Variants in PDE4D observed in about 807,000 individuals in gnomAD.
PDE4D encodes the protein 3',5'-cyclic-AMP phosphodiesterase 4D.
A neutral mutation model predicts 87.4 loss-of-function variants in PDE4D; 24 were observed. The observed-to-expected ratio is 0.27, with a 90% CI of 0.20 to 0.39. PDE4D has a LOEUF of 0.39. Among genes scored for constraint, PDE4D ranks in the 10% least tolerant of loss-of-function variants. The pLI is 1.00. For synonymous variants in PDE4D, 384 were observed against 383.2 expected (o/e 1.00, Z -0.02); for missense variants, 714 against 1,041.0 (o/e 0.69, Z 4.32).
intron 5 of PDE4D, among the ~76,000 whole-genome samples, chr5:59,053,020 C>T (rs1237184974): frequency 1.3e-5 from 2 of 151,970 alleles, no homozygotes; most frequent in Non-Finnish European, 2.9e-5. Context: ...AGTGGTATCA[C>T]TACTACTAGA....
chr5:60,163,947 C>T (rs1395615197), intron 2 of PDE4D, among the ~76,000 whole-genome samples: 4 of 152,172 alleles, frequency 2.6e-5, no homozygotes, highest in Non-Finnish European at 2.9e-5. Context: ...GAGAGGAGAG[C>T]ATTCTAGCAG....
chr5:59,324,605 A>G (rs900337082), intron 1 of PDE4D, among the ~76,000 whole-genome samples: 2 of 152,140 alleles, frequency 1.3e-5, no homozygotes, highest in African/African-American at 4.8e-5. Flanking sequence ...AGTTATCTGC[A>G]TGTAATAGGT....
intron 1 of PDE4D, among the ~76,000 whole-genome samples, chr5:59,521,244 G>A (rs79264297): frequency 0.017 from 2,619 of 152,214 alleles, 80 homozygotes; most frequent in East Asian, 0.13. Flanking sequence ...GAAGAAAGGT[G>A]GCTGGAGGAG....
intron 3 of PDE4D, among the ~76,000 whole-genome samples, chr5:59,963,450 G>T (rs1422194910): frequency 6.6e-6 from 1 of 152,034 alleles, no homozygotes; most frequent in Non-Finnish European, 1.5e-5. Flanking sequence ...ACACTCCCTG[G>T]TCTGCTCTCC....
intron 1 of PDE4D, chr5:59,587,600 G>T (rs1271438997): frequency 1.0e-6 from 1 of 985,272 alleles, no homozygotes. Flanking sequence ...ACACTTGCAG[G>T]CTCCGTGGTA....
chr5:59,676,834 T>C (rs1164962514), intron 1 of PDE4D, among the ~76,000 whole-genome samples: 2 of 152,124 alleles, frequency 1.3e-5, no homozygotes, highest in African/African-American at 4.8e-5. Context: ...TTGTTAACTA[T>C]AGTCATACTA....
chr5:59,324,091 C>T (rs1201879091), intron 1 of PDE4D, among the ~76,000 whole-genome samples: 1 of 152,098 alleles, frequency 6.6e-6, no homozygotes, highest in Non-Finnish European at 1.5e-5. Context: ...TGGCTATCTC[C>T]TCTTGAGCTT....
intron 1 of PDE4D, among the ~76,000 whole-genome samples, chr5:60,474,105 C>CATATATATATATGTGTATGTAT: frequency 6.5e-5 from 2 of 31,002 alleles, no homozygotes; most frequent in African/African-American, 1.6e-4. Flanking sequence ...TTTGAGCTGC[C>CATATATATATATGTGTATGTAT]ATATATATAT....
intron 1 of PDE4D, among the ~76,000 whole-genome samples, chr5:59,805,045 G>C (rs970478037): frequency 6.6e-6 from 1 of 152,008 alleles, no homozygotes; most frequent in Admixed American, 6.6e-5. Context: ...CACCCGCCTC[G>C]GTCTCCCAAA....
intron 1 of PDE4D, among the ~76,000 whole-genome samples, chr5:60,424,452 T>C (rs879089554): frequency 1.3e-5 from 2 of 152,204 alleles, no homozygotes; most frequent in Non-Finnish European, 2.9e-5. Flanking sequence ...TCTCAATAGA[T>C]GCAGAAAAGG....
intron 1 of PDE4D, among the ~76,000 whole-genome samples, chr5:60,391,558 C>T (rs534610069): frequency 1.3e-5 from 2 of 152,208 alleles, no homozygotes; most frequent in South Asian, 2.1e-4. Context: ...CCCTTTTTTC[C>T]ATTTTTAAAG....
chr5:59,283,211 A>T (rs890136175), intron 1 of PDE4D, among the ~76,000 whole-genome samples: 1 of 152,194 alleles, frequency 6.6e-6, no homozygotes, highest in African/African-American at 2.4e-5. Context: ...TAAAAGAGTA[A>T]TCAATAAGCT....
chr5:59,623,267 C>A (rs558757012), intron 1 of PDE4D, among the ~76,000 whole-genome samples: 4 of 152,282 alleles, frequency 2.6e-5, no homozygotes, highest in African/African-American at 7.2e-5. Context: ...GCTGTTCAAT[C>A]GAATTTTCTG....
rs181420533 is a variant in PDE4D, at chr5:59,107,066, A to T, written c.809-68095T>A. ...TGAAAAAAACAGTTATTGATCACCC[A>T]ATCTTAGATAAGCAACTTAAAATCT... On this transcript the variant is annotated intron_variant, in intron 5 of 14. Transcript: ENST00000340635. 8.0e-4 allele frequency among the ~76,000 whole-genome samples: 122 copies of T among 152,322 alleles called. 1 individual carries two copies. Among genetic ancestry groups the T allele is most frequent in the Non-Finnish European group, 1.1e-3 (78 of 68,026 alleles).
intron 1 of PDE4D, among the ~76,000 whole-genome samples, chr5:59,413,274 G>A (rs982216517): frequency 1.8e-4 from 27 of 151,898 alleles, no homozygotes; most frequent in African/African-American, 4.8e-4. Flanking sequence ...TGGCTAACAC[G>A]GTGAAACCCC....
At chr5:60,136,456 A>G (rs1780057396) in intron 2 of PDE4D, among the ~76,000 whole-genome samples, 2 of 152,100 alleles carry the variant, frequency 1.3e-5, no homozygotes, top group Admixed American at 1.3e-4. Context: ...CTGGGATTAC[A>G]GGTGTCTGCC....
chr5:60,359,816 G>C (rs966071993), intron 1 of PDE4D, among the ~76,000 whole-genome samples: 1 of 152,120 alleles, frequency 6.6e-6, no homozygotes, highest in African/African-American at 2.4e-5. Context: ...TGATCCACCT[G>C]TTCTCTTTCT....
At chr5:59,854,644 C>T (rs256354) in intron 1 of PDE4D, among the ~76,000 whole-genome samples, 25,068 of 151,960 alleles carry the variant, frequency 0.16, 2,258 homozygotes, top group Middle Eastern at 0.26. Context: ...TGTATCTGAA[C>T]CTTATCTTGA....
At chr5:60,082,880 AT>A (rs1163577498) in intron 2 of PDE4D, among the ~76,000 whole-genome samples, 9 of 151,994 alleles carry the variant, frequency 5.9e-5, no homozygotes, top group Non-Finnish European at 1.3e-4. Flanking sequence ...CTCTACTTAA[AT>A]TTTCTTTCTC....
Sources: gnomAD v4.1 joint callset for allele counts (sites outside exome capture counted in the v4.1 genomes callset) on GRCh38, gnomAD v4.1.1 for gene constraint, MANE v1.5 for transcripts, NCBI Gene and HGNC (gene_info 2026-07-23, HGNC 2026-07-21) for gene names.